Variants in AFDN observed in about 807,000 individuals in gnomAD.
AFDN encodes the protein afadin, adherens junction formation factor.
In AFDN, 68 loss-of-function variants were observed where a neutral mutation model predicts 216.6. The observed-to-expected ratio is 0.31, with a 90% CI of 0.26 to 0.38. The LOEUF is 0.38. AFDN is among the 10% of genes least tolerant of loss of function. The pLI, the probability that AFDN is intolerant of heterozygous loss-of-function variation, is 1.00. For synonymous variants in AFDN, 868 were observed against 853.7 expected, an observed-to-expected ratio of 1.02 and a Z score of -0.29; for missense variants, 2,136 against 2,342.0, an observed-to-expected ratio of 0.91 and a Z score of 1.82.
At chr6:167,943,654 A>G (rs1269574409) in intron 25 of AFDN, among the ~76,000 whole-genome samples, 179 bp downstream of exon 25, 1 of 152,232 alleles carries the variant, frequency 6.6e-6, no homozygotes, top group Non-Finnish European at 1.5e-5. Context: ...TTAATCTAGT[A>G]CAGTTTCTTT....
At chr6:167,888,057 G>A (rs577994640) in intron 6 of AFDN, among the ~76,000 whole-genome samples, 38 of 152,246 alleles carry the variant, frequency 2.5e-4, no homozygotes, top group African/African-American at 8.7e-4. Flanking sequence ...ATTATATGTC[G>A]CCGAGTGTGA....
At chr6:167,877,578 T>C (rs185926172) in intron 5 of AFDN, among the ~76,000 whole-genome samples, 1 of 152,284 alleles carries the variant, frequency 6.6e-6, no homozygotes, top group Non-Finnish European at 1.5e-5. Context: ...TAACTAAATA[T>C]TGATAACAAA....
chr6:167,873,729 TC>T (rs1785035740), intron 4 of AFDN, among the ~76,000 whole-genome samples: 1 of 152,222 alleles, frequency 6.6e-6, no homozygotes, highest in African/African-American at 2.4e-5. Flanking sequence ...TATAATACCT[TC>T]CATAAATTGA....
chr6:167,867,422 TTTTTC>T (rs1180597114), intron 2 of AFDN, among the ~76,000 whole-genome samples: 1 of 151,858 alleles, frequency 6.6e-6, no homozygotes, highest in African/African-American at 2.4e-5. Context: ...CTAATTCTTT[TTTTTC>T]TTTTCTTTTT....
intron 11 of AFDN, among the ~76,000 whole-genome samples, chr6:167,901,583 A>G (rs1583335151): frequency 6.6e-6 from 1 of 152,178 alleles, no homozygotes; most frequent in Non-Finnish European, 1.5e-5. Context: ...CTAAGTAGTG[A>G]TACTCATGTG....
intron 12 of AFDN, among the ~76,000 whole-genome samples, chr6:167,905,093 A>C (rs992318880): frequency 1.3e-5 from 2 of 151,652 alleles, no homozygotes; most frequent in African/African-American, 4.9e-5. Flanking sequence ...TGCTTTTCAC[A>C]CTCTGGCCCC....
At chr6:167,931,558 AT>A (rs989186349) in intron 23 of AFDN, among the ~76,000 whole-genome samples, 10 of 152,124 alleles carry the variant, frequency 6.6e-5, no homozygotes, top group African/African-American at 2.4e-4. Flanking sequence ...AGAGAAATGA[AT>A]CTAGCAGTTC....
intron 1 of AFDN, among the ~76,000 whole-genome samples, chr6:167,856,328 A>G (rs1782892812): frequency 6.6e-6 from 1 of 152,040 alleles, no homozygotes; most frequent in Admixed American, 6.6e-5. Flanking sequence ...CCTGTAGTAT[A>G]TATAGAGCTT....
At chr6:167,887,082 A>G (rs1320969023) in intron 6 of AFDN, among the ~76,000 whole-genome samples, 1 of 151,752 alleles carries the variant, frequency 6.6e-6, no homozygotes, top group Non-Finnish European at 1.5e-5. Context: ...AGTATTTGCC[A>G]AGGGAATGTT....
In AFDN at chr6:167,947,888, G is replaced by T. The variant is rs1184999387; in HGVS notation, c.3589G>T (p.Ala1197Ser). 1 of 1,613,820 alleles carries T rather than the reference G, an allele frequency of 6.2e-7. No individual in the cohort carries two copies. The highest frequency in any genetic ancestry group is 8.5e-7 in the Non-Finnish European group (1 of 1,179,932). ...PPSPGGKSAY[A>S]SGTTAKITSV... Reference sequence around the variant, plus strand: ...TAGTCCTGGAGGGAAAAGTGCATATGCCTCTGGAACAACAGCGAAGATAAC... The same window carrying T: ...TAGTCCTGGAGGGAAAAGTGCATATTCCTCTGGAACAACAGCGAAGATAAC... The change falls in exon 28 of 34, where the codon GCC becomes TCC. Residue 1197 changes from alanine to serine, a missense_variant. By Grantham distance (99) the Ala-to-Ser change is moderately conservative. Transcript: ENST00000683244.
At chr6:167,891,057 A>C in intron 8 of AFDN, 28 bp downstream of exon 8, 1 of 1,465,062 alleles carries the variant, frequency 6.8e-7, no homozygotes, top group Non-Finnish European at 9.1e-7. Flanking sequence ...ACCAGCACAC[A>C]TTATTAATGT....
At position 167,828,704 on chromosome 6, in the gene AFDN, A is replaced by C. The variant is rs142011290; in HGVS notation, c.105+1467A>C. ...GAATAATGAATTCATTTTTCTTTTTATCACAAGGTAAAAAAAGTTGACCAT... is the reference window on the plus strand; with the variant it reads ...GAATAATGAATTCATTTTTCTTTTTCTCACAAGGTAAAAAAAGTTGACCAT... On this transcript the variant is annotated intron_variant, in intron 1 of 33. Coordinates refer to ENST00000683244, the MANE Select transcript of AFDN (RefSeq NM_001386888.1). Among the ~76,000 whole-genome samples, 1,168 of 149,766 alleles carry C rather than the reference A, an allele frequency of 7.8e-3. 12 individuals are homozygous for C. Among genetic ancestry groups the C allele is most frequent in the African/African-American group, 0.022 (904 of 40,718 alleles).
At chr6:167,896,246 AC>A (rs1197225286) in intron 9 of AFDN, among the ~76,000 whole-genome samples, 3 of 151,792 alleles carry the variant, frequency 2.0e-5, no homozygotes, top group Non-Finnish European at 4.4e-5. Context: ...AAGCCAAAAA[AC>A]CCAGTCTTCC....
intron 27 of AFDN, 21 bp from the exon 28 acceptor site, chr6:167,947,832 T>C (rs1182015952): frequency 6.5e-7 from 1 of 1,541,410 alleles, no homozygotes; most frequent in Admixed American, 1.8e-5. Flanking sequence ...CACTTTTTTT[T>C]TTCCCCCCTG....
chr6:167,855,160 A>T (rs1782754898), intron 1 of AFDN, among the ~76,000 whole-genome samples: 1 of 152,040 alleles, frequency 6.6e-6, no homozygotes. Flanking sequence ...AAGGTATTCT[A>T]GTTTACTTAA....
chr6:167,896,201 A>G (rs1227044936), intron 9 of AFDN, among the ~76,000 whole-genome samples: 1 of 150,334 alleles, frequency 6.7e-6, no homozygotes, highest in Non-Finnish European at 1.5e-5. Flanking sequence ...AAACATTCCA[A>G]CAGTTCATAA....
chr6:167,958,848 A>C (rs963807894), intron 30 of AFDN, among the ~76,000 whole-genome samples: 1 of 152,238 alleles, frequency 6.6e-6, no homozygotes, highest in African/African-American at 2.4e-5. Flanking sequence ...GTTTCTTCAG[A>C]GAAATCTATC....
chr6:167,890,998 G>A lies in AFDN; in HGVS notation c.1146G>A (p.Glu382=), dbSNP rs1787499483. The change falls in exon 8 of 34, where the codon GAG becomes GAA. Residue 382 remains glutamate (E), a synonymous_variant. Transcript: ENST00000683244. The stretch of plus-strand genomic sequence containing the variant: ...GCTATGGCTCCACCCTTCCTCCGGA[G>A]AAGCTGCCCTATTTAGTAGAGTTAA... The part of the protein sequence containing the change: ...GSGYGSTLPP[E]KLPYLVELSP... 6.2e-7 allele frequency: 1 copy of A among 1,613,890 alleles called. No homozygotes were observed. The highest frequency in any genetic ancestry group is 8.5e-7 in the Non-Finnish European group (1 of 1,179,888).
chr6:167,900,310 T>G (rs1488415049), intron 11 of AFDN, among the ~76,000 whole-genome samples: 1 of 152,224 alleles, frequency 6.6e-6, no homozygotes, highest in Non-Finnish European at 1.5e-5. Context: ...ATCCTACTGA[T>G]GGTTATAAAC....
Sources: gnomAD v4.1 joint callset for allele counts (sites outside exome capture counted in the v4.1 genomes callset) on GRCh38, gnomAD v4.1.1 for gene constraint, MANE v1.5 for transcripts, NCBI Gene and HGNC (gene_info 2026-07-23, HGNC 2026-07-21) for gene names.